Variants in ARMC9 observed in about 807,000 individuals in gnomAD.
The protein encoded by ARMC9 is armadillo repeat containing 9.
In ARMC9, 94 loss-of-function variants were observed where a neutral mutation model predicts 107.0. The observed-to-expected ratio is 0.88, with a 90% CI of 0.74 to 1.04. The LOEUF is 1.04. ARMC9 is among the 50% of genes least tolerant of loss of function. ARMC9 has a pLI of 0.00. For synonymous variants in ARMC9, 380 were observed against 396.9 expected (o/e 0.96, Z 0.51); for missense variants, 942 against 1,030.1 (o/e 0.91, Z 1.17).
chr2:231,244,445 T>G (rs1195668408), intron 9 of ARMC9, among the ~76,000 whole-genome samples: 2 of 151,586 alleles, frequency 1.3e-5, no homozygotes, highest in African/African-American at 4.8e-5. Context: ...GGGCCTCTGC[T>G]GCCTTGACCT....
At chr2:231,261,506 C>CA (rs1342806401) in intron 11 of ARMC9, among the ~76,000 whole-genome samples, 1 of 152,218 alleles carries the variant, frequency 6.6e-6, no homozygotes, top group African/African-American at 2.4e-5. Context: ...GTTGGCAGGG[C>CA]ATGCATTCAG....
chr2:231,309,716 C>A (rs2042231860), intron 19 of ARMC9, among the ~76,000 whole-genome samples: 1 of 150,576 alleles, frequency 6.6e-6, no homozygotes, highest in South Asian at 2.1e-4. Context: ...CCACTTTTTA[C>A]AATTTTTTTT....
intron 4 of ARMC9, 95 bp downstream of exon 4, chr2:231,215,096 C>T (rs2033351538): frequency 4.9e-6 from 7 of 1,423,434 alleles, no homozygotes; most frequent in Non-Finnish European, 6.8e-6. Flanking sequence ...TCATATGTGG[C>T]TGTGCTGTCA....
At chr2:231,295,779 G>A (rs1318252926) in intron 18 of ARMC9, 2 of 153,512 alleles carry the variant, frequency 1.3e-5, no homozygotes, top group South Asian at 4.1e-4. Flanking sequence ...CTGGAAGTGA[G>A]ACCAAGAAGT....
At chr2:231,275,075 A>G (rs1355418928) in intron 14 of ARMC9, among the ~76,000 whole-genome samples, 2 of 152,200 alleles carry the variant, frequency 1.3e-5, no homozygotes, top group Non-Finnish European at 2.9e-5. Flanking sequence ...CTGCCTGTTT[A>G]TCTTTTCCTC....
chr2:231,269,947 A>G (rs2039180370), intron 12 of ARMC9, among the ~76,000 whole-genome samples: 1 of 130,166 alleles, frequency 7.7e-6, no homozygotes. Flanking sequence ...TGATCTCCTA[A>G]TGAGAGATTT....
intron 12 of ARMC9, among the ~76,000 whole-genome samples, chr2:231,262,689 C>T (rs1426744596): frequency 6.6e-6 from 1 of 152,122 alleles, no homozygotes; most frequent in East Asian, 1.9e-4. Flanking sequence ...GTCCTGAAAA[C>T]TGAGTATGAC....
chr2:231,290,803 G>A (rs1187576938), intron 17 of ARMC9, among the ~76,000 whole-genome samples: 1 of 151,946 alleles, frequency 6.6e-6, no homozygotes, highest in African/African-American at 2.4e-5. Flanking sequence ...CTAAGCATAT[G>A]GTTTCACTTC....
At chr2:231,220,366 G>A (rs1296717320) in intron 5 of ARMC9, among the ~76,000 whole-genome samples, 1 of 152,008 alleles carries the variant, frequency 6.6e-6, no homozygotes, top group African/African-American at 2.4e-5. Flanking sequence ...GGAGGCCAAG[G>A]TGGGCGGATC....
intron 14 of ARMC9, among the ~76,000 whole-genome samples, chr2:231,275,581 G>A (rs1318081407): frequency 2.0e-5 from 3 of 152,200 alleles, no homozygotes; most frequent in South Asian, 4.1e-4. Flanking sequence ...TGTTAAGCTA[G>A]GCTTTTGCTC....
intron 20 of ARMC9, among the ~76,000 whole-genome samples, chr2:231,338,837 C>T (rs951631171): frequency 6.6e-6 from 1 of 151,880 alleles, no homozygotes; most frequent in African/African-American, 2.4e-5. Flanking sequence ...TAATGTTTTA[C>T]AAGCATAAAC....
At chr2:231,348,475 AAAC>A (rs1435296121) in intron 21 of ARMC9, among the ~76,000 whole-genome samples, 1 of 152,226 alleles carries the variant, frequency 6.6e-6, no homozygotes. Flanking sequence ...GCAAATTATG[AAAC>A]AACTACAGGA....
rs186456802 is a variant in ARMC9 at position 231,220,333 on chromosome 2, A to C, written c.505-2395A>C. ...AACTTTAGGCCAGGTGCAGTGGCTTACAGCTCTAATCCTAGCACTTTGGGA... is the reference window on the plus strand; with the variant it reads ...AACTTTAGGCCAGGTGCAGTGGCTTCCAGCTCTAATCCTAGCACTTTGGGA... On this transcript the variant is annotated intron_variant, in intron 5 of 24. Coordinates refer to ENST00000611582, the MANE Select transcript of ARMC9 (RefSeq NM_001352754.2). Among the ~76,000 whole-genome samples, 760 of 152,178 alleles carry C rather than the reference A, an allele frequency of 5.0e-3. 9 individuals carry two copies. Among genetic ancestry groups the C allele is most frequent in the African/African-American group, 0.018 (728 of 41,490 alleles).
chr2:231,241,561 G>A (rs2036305374), intron 9 of ARMC9, among the ~76,000 whole-genome samples: 1 of 152,142 alleles, frequency 6.6e-6, no homozygotes, highest in Non-Finnish European at 1.5e-5. Context: ...CAGCTTTTAA[G>A]TGAGGGTTTG....
intron 20 of ARMC9, among the ~76,000 whole-genome samples, chr2:231,343,234 C>A (rs1231894832): frequency 6.6e-6 from 1 of 151,638 alleles, no homozygotes; most frequent in Non-Finnish European, 1.5e-5. Context: ...TTGACCCCAC[C>A]TGTCACTTCC....
chr2:231,278,494 A>T (rs1387057853), intron 16 of ARMC9, 36 bp downstream of exon 16: 2 of 1,599,956 alleles, frequency 1.3e-6, no homozygotes, highest in Non-Finnish European at 1.7e-6. Context: ...GGGCTCGGGG[A>T]GGCTACACTG....
At chr2:231,228,361 G>C (rs2034862082) in intron 7 of ARMC9, among the ~76,000 whole-genome samples, 1 of 152,244 alleles carries the variant, frequency 6.6e-6, no homozygotes, top group African/African-American at 2.4e-5. Context: ...CTCAGGTGCA[G>C]TCAGGCGGAG....
chr2:231,344,077 A>T (rs1046655957), intron 20 of ARMC9, among the ~76,000 whole-genome samples: 24 of 152,182 alleles, frequency 1.6e-4, no homozygotes, highest in Non-Finnish European at 3.4e-4. Context: ...TAGACATTAG[A>T]TCATTTCAGT....
At chr2:231,320,447 C>A (rs1325087825) in intron 19 of ARMC9, among the ~76,000 whole-genome samples, 3 of 152,084 alleles carry the variant, frequency 2.0e-5, no homozygotes, top group South Asian at 2.1e-4. Flanking sequence ...CTCATTAAGA[C>A]CCTGTCTACC....
Sources: allele counts gnomAD v4.1 joint callset (sites outside exome capture counted in the v4.1 genomes callset), GRCh38; gene constraint gnomAD v4.1.1; transcripts MANE v1.5; gene names NCBI Gene and HGNC (gene_info 2026-07-23, HGNC 2026-07-21).